CHD9: variants seen among roughly 807,000 people sequenced by gnomAD.
CHD9 encodes ATP-dependent chromatin remodeler CHD9.
A neutral mutation model predicts 316.1 loss-of-function variants in CHD9; 77 were observed. That is an observed-to-expected ratio of 0.24 (90% CI 0.20 to 0.29). CHD9 has a LOEUF of 0.29. CHD9 is among the 10% of genes least tolerant of loss of function. CHD9 has a pLI of 1.00. For missense variants in CHD9, 2,763 were observed against 3,438.1 expected (o/e 0.80, Z 4.91); for synonymous variants, 1,129 against 1,158.3 (o/e 0.97, Z 0.51).
chr16:53,281,134 G>A (rs571073571), intron 24 of CHD9, among the ~76,000 whole-genome samples: 1 of 152,100 alleles, frequency 6.6e-6, no homozygotes, highest in South Asian at 2.1e-4. Flanking sequence ...TCTATAAACA[G>A]GTAAATCTGA....
At chr16:53,267,682 C>T (rs1427214675) in intron 21 of CHD9, among the ~76,000 whole-genome samples, 192 bp downstream of exon 21, 3 of 152,096 alleles carry the variant, frequency 2.0e-5, no homozygotes, top group Admixed American at 6.6e-5. Context: ...TTCAAAGTAT[C>T]ACTAAAGTCA....
At chr16:53,201,949 C>T (rs965523800) in intron 2 of CHD9, among the ~76,000 whole-genome samples, 3 of 151,908 alleles carry the variant, frequency 2.0e-5, no homozygotes, top group Admixed American at 2.0e-4. Context: ...ACCTCAAGCT[C>T]CTGGGCTCAA....
chr16:53,151,031 G>T (rs1299497108), intron 1 of CHD9, among the ~76,000 whole-genome samples: 1 of 151,992 alleles, frequency 6.6e-6, no homozygotes, highest in African/African-American at 2.4e-5. Flanking sequence ...GGAGTTTGGG[G>T]CCATAATTTC....
In CHD9 at chr16:53,289,291, C is replaced by T. The variant is rs764370276; in HGVS notation, c.5247+1277C>T. On this transcript the variant is annotated intron_variant, in intron 27 of 38. Transcript: ENST00000447540. ...GGAAAAGGCTGAGGGCAGTGTGGCT[C>T]ACGCCTGTAATCCCAGCACTTTGGA... Among the ~76,000 whole-genome samples, 8 of 152,198 alleles carry T rather than the reference C, an allele frequency of 5.3e-5. No individual in the cohort carries two copies. The South Asian group carries it at 6.2e-4, about 12-fold the overall frequency.
chr16:53,068,570 A>G (rs1386955617), intron 1 of CHD9, among the ~76,000 whole-genome samples: 4 of 152,166 alleles, frequency 2.6e-5, no homozygotes, highest in Non-Finnish European at 5.9e-5. Context: ...CAAGAGAGCC[A>G]GGCAAGAAGT....
chr16:53,123,229 C>T (rs2038824645), intron 1 of CHD9, among the ~76,000 whole-genome samples: 1 of 150,634 alleles, frequency 6.6e-6, no homozygotes, highest in African/African-American at 2.5e-5. Context: ...AAAATTTATA[C>T]TTCAGTGGTT....
chr16:53,167,485 A>G (rs753742825), intron 2 of CHD9, among the ~76,000 whole-genome samples: 12 of 152,094 alleles, frequency 7.9e-5, no homozygotes, highest in Non-Finnish European at 1.5e-4. Context: ...TTTCTGATTC[A>G]TTTCCAGTTG....
At chr16:53,160,072 A>G (rs1421438424) in intron 2 of CHD9, among the ~76,000 whole-genome samples, 2 of 152,172 alleles carry the variant, frequency 1.3e-5, no homozygotes, top group Admixed American at 1.3e-4. Flanking sequence ...CTGGAGGAAG[A>G]TCAAGCATCT....
intron 3 of CHD9, among the ~76,000 whole-genome samples, chr16:53,215,722 A>G (rs1028627762): frequency 3.3e-5 from 5 of 152,190 alleles, no homozygotes; most frequent in African/African-American, 9.7e-5. Context: ...AATTATTGGA[A>G]TGAGAGAATC....
intron 1 of CHD9, among the ~76,000 whole-genome samples, chr16:53,145,505 G>A (rs567238199): frequency 6.6e-6 from 1 of 151,490 alleles, no homozygotes; most frequent in African/African-American, 2.4e-5. Flanking sequence ...TCAGGAGTAT[G>A]AGACCAGCCT....
Position 53,214,850 on chromosome 16 carries a change from A to G in CHD9, c.1784+5037A>G, listed in dbSNP as rs187844880. Among the ~76,000 whole-genome samples the G allele has an allele frequency of 2.6e-3, 390 of 152,204 alleles. 4 individuals carry two copies. Among genetic ancestry groups the G allele is most frequent in the African/African-American group, 9.0e-3 (375 of 41,532 alleles). Reference sequence around the variant, plus strand: ...AAGACAAATATTGCCAGTTAAAACTATGGCATGTCATTGATTATTAAATGA... The same window carrying G: ...AAGACAAATATTGCCAGTTAAAACTGTGGCATGTCATTGATTATTAAATGA... On this transcript the variant is annotated intron_variant, in intron 3 of 38. Coordinates refer to ENST00000447540, the MANE Select transcript of CHD9 (RefSeq NM_001308319.2).
chr16:53,296,713 G>A (rs2054839711), intron 29 of CHD9, among the ~76,000 whole-genome samples: 1 of 151,858 alleles, frequency 6.6e-6, no homozygotes, highest in Non-Finnish European at 1.5e-5. Flanking sequence ...CCAAAGTGCT[G>A]GGATTACAGG....
intron 31 of CHD9, among the ~76,000 whole-genome samples, chr16:53,305,766 C>G (rs1426796140): frequency 4.6e-5 from 7 of 152,176 alleles, no homozygotes; most frequent in African/African-American, 1.7e-4. Flanking sequence ...GAGCTGGGGT[C>G]TCTTGTAACA....
chr16:53,105,922 A>G (rs2037312508), intron 1 of CHD9, among the ~76,000 whole-genome samples: 1 of 151,352 alleles, frequency 6.6e-6, no homozygotes, highest in Non-Finnish European at 1.5e-5. Flanking sequence ...TCCTGGGTTC[A>G]AGCAATTCTC....
At chr16:53,321,422 A>C in intron 37 of CHD9, 104 bp from the exon 38 acceptor site, 1 of 1,395,110 alleles carries the variant, frequency 7.2e-7, no homozygotes, top group South Asian at 1.8e-5. Flanking sequence ...TGGTTCAAAA[A>C]ATATGTATTT....
chr16:53,287,411 G>A (rs1319866856), intron 26 of CHD9, among the ~76,000 whole-genome samples: 1 of 152,230 alleles, frequency 6.6e-6, no homozygotes, highest in Non-Finnish European at 1.5e-5. Flanking sequence ...GGAACACTTT[G>A]TGGTTAATAA....
chr16:53,103,807 C>G (rs139896384), intron 1 of CHD9, among the ~76,000 whole-genome samples: 1,643 of 152,224 alleles, frequency 0.011, 30 homozygotes, highest in African/African-American at 0.038. Context: ...CCCTCTTTAC[C>G]TTTTGGTCAT....
chr16:53,293,622 GA>G (rs1387671096), intron 29 of CHD9, among the ~76,000 whole-genome samples: 2 of 151,374 alleles, frequency 1.3e-5, no homozygotes, highest in African/African-American at 4.9e-5. Flanking sequence ...TCAAAAAGTA[GA>G]AACAAAAAAG....
At chr16:53,155,562 C>A (rs2041461220) in intron 1 of CHD9, among the ~76,000 whole-genome samples, 1 of 152,142 alleles carries the variant, frequency 6.6e-6, no homozygotes, top group South Asian at 2.1e-4. Context: ...CCATACAATT[C>A]ATTCATCTAA....
Sources: allele counts gnomAD v4.1 joint callset (sites outside exome capture counted in the v4.1 genomes callset), GRCh38; gene constraint gnomAD v4.1.1; transcripts MANE v1.5; gene names NCBI Gene and HGNC (gene_info 2026-07-23, HGNC 2026-07-21).